Variants in NTM observed in about 807,000 individuals in gnomAD.
NTM encodes the protein neurotrimin.
In NTM, 13 loss-of-function variants were observed where a neutral mutation model predicts 42.1. The ratio of observed to expected loss-of-function variants is 0.31; its 90% CI spans 0.20 to 0.49. The LOEUF is 0.49. Ranked by LOEUF, NTM falls within the 20% of genes least tolerant of loss-of-function variation. The pLI, the probability that NTM is intolerant of heterozygous loss-of-function variation, is 0.99. For missense variants in NTM, 373 were observed against 452.8 expected (o/e 0.82, Z 1.60); for synonymous variants, 187 against 179.2 (o/e 1.04, Z -0.35).
intron 2 of NTM, among the ~76,000 whole-genome samples, chr11:132,056,287 A>C (rs141209142): frequency 1.3e-4 from 20 of 152,356 alleles, no homozygotes; most frequent in South Asian, 1.2e-3. Context: ...GCTATGAGAA[A>C]GAGAGCAAGA....
intron 2 of NTM, among the ~76,000 whole-genome samples, chr11:132,104,576 A>AC (rs139338697): frequency 0.48 from 66,410 of 139,232 alleles, 15,655 homozygotes; most frequent in Non-Finnish European, 0.5. Flanking sequence ...ACATAGTGGG[A>AC]CCCCCCCCCA....
intron 2 of NTM, among the ~76,000 whole-genome samples, chr11:132,104,069 CTG>C (rs1466791752): frequency 3.2e-4 from 49 of 152,160 alleles, no homozygotes; most frequent in African/African-American, 1.1e-3. Context: ...CAGACCGGGA[CTG>C]TGTTTTTCGT....
chr11:131,939,317 C>T (rs1336256108), intron 2 of NTM, among the ~76,000 whole-genome samples: 2 of 152,012 alleles, frequency 1.3e-5, no homozygotes, highest in Non-Finnish European at 2.9e-5. Flanking sequence ...GCTGCCACAA[C>T]CAGGAGTTCT....
chr11:131,763,204 C>A (rs186377641), intron 1 of NTM, among the ~76,000 whole-genome samples: 7 of 152,294 alleles, frequency 4.6e-5, no homozygotes, highest in Admixed American at 1.3e-4. Flanking sequence ...AAAAAATTAG[C>A]AAGTCAGTCA....
At chr11:132,324,625 C>T (rs1276614656) in intron 7 of NTM, among the ~76,000 whole-genome samples, 1 of 139,608 alleles carries the variant, frequency 7.2e-6, no homozygotes, top group African/African-American at 2.7e-5. Context: ...TCAATGCCAT[C>T]CCCATCAAGC....
chr11:132,133,045 C>T (rs1437072376), intron 2 of NTM, among the ~76,000 whole-genome samples: 1 of 152,186 alleles, frequency 6.6e-6, no homozygotes, highest in African/African-American at 2.4e-5. Flanking sequence ...TGCTCGCTGT[C>T]ATCCAAAATC....
intron 3 of NTM, among the ~76,000 whole-genome samples, chr11:132,186,108 T>C (rs2078352458): frequency 1.3e-5 from 2 of 152,184 alleles, no homozygotes; most frequent in African/African-American, 4.8e-5. Context: ...GCCCACTTGA[T>C]TCCAAGTTTG....
At chr11:132,320,894 A>G (rs2095550342) in intron 7 of NTM, among the ~76,000 whole-genome samples, 1 of 151,576 alleles carries the variant, frequency 6.6e-6, no homozygotes, top group Non-Finnish European at 1.5e-5. Flanking sequence ...CCTAACTGGG[A>G]GGCACCCCCC....
Position 131,983,191 on chromosome 11 carries a change from AC to A in NTM, c.167+71545del, listed in dbSNP as rs368330441. ...ACCTCAGTAGATCCCATTTTCAATA[AC>A]CTGTATTGTACCTTCAATCCTCAAA... On this transcript the variant is annotated intron_variant, in intron 2 of 8. Coordinates refer to ENST00000683400, the MANE Select transcript of NTM (RefSeq NM_001352005.2). 4.1e-3 allele frequency among the ~76,000 whole-genome samples: 620 copies of A among 152,196 alleles called. 6 individuals are homozygous for A. Among genetic ancestry groups the A allele is most frequent in the African/African-American group, 0.014 (577 of 41,516 alleles).
chr11:131,540,154 G>GTTTTTTTTTTT (rs57022166), intron 1 of NTM, among the ~76,000 whole-genome samples: 1 of 86,684 alleles, frequency 1.2e-5, no homozygotes, highest in South Asian at 5.6e-4. Flanking sequence ...ATTTAAGCTT[G>GTTTTTTTTTTT]TTTTTTTTTT....
chr11:131,823,907 G>T (rs1431385784), intron 1 of NTM, among the ~76,000 whole-genome samples: 1 of 152,168 alleles, frequency 6.6e-6, no homozygotes, highest in African/African-American at 2.4e-5. Context: ...AGACATGAAA[G>T]CGCATGGAAT....
intron 3 of NTM, among the ~76,000 whole-genome samples, chr11:132,154,089 T>G (rs1356050537): frequency 1.3e-5 from 2 of 152,142 alleles, no homozygotes; most frequent in Non-Finnish European, 2.9e-5. Flanking sequence ...GACGCTAATA[T>G]GGTCACAGGG....
intron 2 of NTM, among the ~76,000 whole-genome samples, chr11:132,006,260 G>A (rs1029794880): frequency 6.6e-6 from 1 of 152,262 alleles, no homozygotes; most frequent in Non-Finnish European, 1.5e-5. Context: ...CAAAAATGGC[G>A]AGAAAGCTTG....
rs926052978 is a variant in NTM at position 132,303,727 on chromosome 11, A to C, written c.527-3962A>C. ...TTCTAGGTGACAAAAAAAAAAAAAA[A>C]AAAACAATCTGTGAAGAACAAATCA... On this transcript the variant is annotated intron_variant, in intron 4 of 8. Coordinates refer to ENST00000683400, the MANE Select transcript of NTM (RefSeq NM_001352005.2). Among the ~76,000 whole-genome samples the C allele has an allele frequency of 1.1e-4, 17 of 150,190 alleles. No homozygotes were observed. In the East Asian group the frequency reaches 3.1e-3, roughly 28 times the overall value.
At chr11:131,900,007 G>A (rs1027354117) in intron 1 of NTM, among the ~76,000 whole-genome samples, 2 of 152,190 alleles carry the variant, frequency 1.3e-5, no homozygotes, top group African/African-American at 2.4e-5. Flanking sequence ...CATTGTGTTA[G>A]GTTTCAGGAA....
chr11:132,234,351 A>G (rs963336524), intron 4 of NTM, among the ~76,000 whole-genome samples: 10 of 152,178 alleles, frequency 6.6e-5, no homozygotes, highest in Admixed American at 1.3e-4. Context: ...CTCAATCAGC[A>G]CCTTCAACCA....
intron 1 of NTM, among the ~76,000 whole-genome samples, chr11:131,723,814 T>A (rs1267211160): frequency 2.0e-5 from 3 of 151,758 alleles, no homozygotes; most frequent in Admixed American, 2.0e-4. Flanking sequence ...GTGTATCTGT[T>A]TGTGTGTGTG....
chr11:132,336,171 A>AGT lies in NTM; in HGVS notation c.*1026_*1027dup, dbSNP rs1173531431. 1 of 152,564 alleles carries AGT rather than the reference A, an allele frequency of 6.6e-6. No individual in the cohort carries two copies. The highest frequency in any genetic ancestry group is 1.5e-5 in the Non-Finnish European group (1 of 68,046). 9.5% of individuals were successfully genotyped at this position (152,564 alleles called of 1,614,324 possible). On this transcript the variant is annotated 3_prime_UTR_variant, in exon 9 of 9. Coordinates refer to ENST00000683400, the MANE Select transcript of NTM (RefSeq NM_001352005.2). ...CTTCCTTTGATGACATATATTATACAGTATATATATACATATATTTTTTTT... is the reference window on the plus strand; with the variant it reads ...CTTCCTTTGATGACATATATTATACAGTGTATATATATACATATATTTTTTTT...
chr11:132,238,176 G>C (rs1283481013), intron 4 of NTM, among the ~76,000 whole-genome samples: 1 of 152,184 alleles, frequency 6.6e-6, no homozygotes, highest in Non-Finnish European at 1.5e-5. Context: ...CCCTTAATCG[G>C]CGAGGATGGG....
Sources: allele counts gnomAD v4.1 joint callset (sites outside exome capture counted in the v4.1 genomes callset), GRCh38; gene constraint gnomAD v4.1.1; transcripts MANE v1.5; gene names NCBI Gene and HGNC (gene_info 2026-07-23, HGNC 2026-07-21).